Variants in WAPL observed in about 807,000 individuals in gnomAD.
The protein encoded by WAPL is WAPL cohesin release factor, also known as wings apart-like protein homolog.
A neutral mutation model predicts 121.0 loss-of-function variants in WAPL; 5 were observed. That is an observed-to-expected ratio of 0.04 (90% CI 0.02 to 0.09). WAPL has a LOEUF of 0.09. Ranked by LOEUF, WAPL falls within the 10% of genes least tolerant of loss-of-function variation. The pLI is 1.00. For synonymous variants in WAPL, 480 were observed against 481.5 expected (o/e 1.00, Z 0.04); for missense variants, 999 against 1,410.8 (o/e 0.71, Z 4.68).
chr10:86,510,805 G>T (rs868171633), intron 2 of WAPL, among the ~76,000 whole-genome samples: 22 of 151,740 alleles, frequency 1.4e-4, no homozygotes, highest in Non-Finnish European at 3.1e-4. Context: ...AACTTTATTC[G>T]GTAAGTATTA....
intron 4 of WAPL, among the ~76,000 whole-genome samples, chr10:86,489,777 C>T (rs1377229470): frequency 1.3e-5 from 2 of 151,660 alleles, no homozygotes; most frequent in African/African-American, 4.9e-5. Flanking sequence ...ACCTCTTTAC[C>T]ACCTGGAAAT....
At chr10:86,459,144 C>T (rs901140507) in intron 11 of WAPL, 79 bp from the exon 12 acceptor site, 13 of 1,130,000 alleles carry the variant, frequency 1.2e-5, no homozygotes, top group South Asian at 7.5e-5. Flanking sequence ...CTGCCTGGTG[C>T]GTAAAAGATA....
chr10:86,453,943 A>G, intron 12 of WAPL, 112 bp from the exon 13 acceptor site: 2 of 996,570 alleles, frequency 2.0e-6, no homozygotes, highest in Non-Finnish European at 2.7e-6. Context: ...TTATTTTGGA[A>G]AAATCTGATA....
chr10:86,456,079 ACTCAATGATCAGC>A (rs1009080122), intron 12 of WAPL, among the ~76,000 whole-genome samples: 15 of 152,220 alleles, frequency 9.9e-5, no homozygotes, highest in African/African-American at 3.6e-4. Flanking sequence ...TCTGATGGAC[ACTCAATGATCAGC>A]CTCATAATCT....
intron 4 of WAPL, among the ~76,000 whole-genome samples, chr10:86,479,098 C>CA (rs1286869113): frequency 2.0e-5 from 3 of 149,150 alleles, no homozygotes; most frequent in East Asian, 3.9e-4. Context: ...CACTCCATCT[C>CA]AAAAAAACAA....
At chr10:86,477,566 G>C (rs571041450) in intron 4 of WAPL, among the ~76,000 whole-genome samples, 1 of 152,236 alleles carries the variant, frequency 6.6e-6, no homozygotes, top group African/African-American at 2.4e-5. Context: ...ATTTTGGTAG[G>C]CCGAGACAGG....
chr10:86,502,219 T>TA (rs1842259825), intron 2 of WAPL, among the ~76,000 whole-genome samples: 1 of 152,172 alleles, frequency 6.6e-6, no homozygotes, highest in Admixed American at 6.5e-5. Flanking sequence ...AATAAAGAAT[T>TA]AAATTACCAT....
chr10:86,464,138 T>C (rs11592600), intron 9 of WAPL, among the ~76,000 whole-genome samples: 17,805 of 152,188 alleles, frequency 0.12, 1,222 homozygotes, highest in Middle Eastern at 0.17. Context: ...AACAAAAACG[T>C]GTAAAGGATA....
At position 86,516,808 on chromosome 10, in the gene WAPL, G is replaced by A. The variant is rs117751259; in HGVS notation, c.499+763C>T. 8.4e-3 allele frequency among the ~76,000 whole-genome samples: 1,274 copies of A among 151,984 alleles called. 11 individuals are homozygous for A. The highest frequency in any genetic ancestry group is 0.013 in the Non-Finnish European group (904 of 67,972). Reference sequence around the variant, plus strand: ...TGGTTTAAAATCTATCAACACAGCCGGGCACGGTGGCTCATGCCTGTAATC... The same window carrying A: ...TGGTTTAAAATCTATCAACACAGCCAGGCACGGTGGCTCATGCCTGTAATC... On this transcript the variant is annotated intron_variant, in intron 2 of 18. Transcript: ENST00000298767.
At chr10:86,490,676 T>C (rs1842027296) in intron 4 of WAPL, among the ~76,000 whole-genome samples, 1 of 152,202 alleles carries the variant, frequency 6.6e-6, no homozygotes, top group African/African-American at 2.4e-5. Flanking sequence ...GAAATTAAAA[T>C]TCACTCATAT....
In WAPL at chr10:86,467,498, G is replaced by A; in HGVS notation, c.2151C>T (p.Ser717=). ...TATACATGAGGGCAGCTGTACAGAGGGACAGATTCTTCAACAGGCCAAAAA... is the reference window on the plus strand; with the variant it reads ...TATACATGAGGGCAGCTGTACAGAGAGACAGATTCTTCAACAGGCCAAAAA... ...LDDSQHHQNL[S]LCTAALMYIL... The change falls in exon 9 of 19, where the codon TCC becomes TCT. Residue 717 remains serine (S), a synonymous_variant. Transcript: ENST00000298767. 1.2e-6 allele frequency: 2 copies of A among 1,603,526 alleles called. No individual in the cohort carries two copies. The highest frequency in any genetic ancestry group is 2.3e-5 in the South Asian group (2 of 87,730).
chr10:86,499,734 AGACTGACTGTCCTGG>A lies in WAPL; in HGVS notation c.1494_1508del (p.Gln499_Ser503del). The A allele has an allele frequency of 6.3e-7, 1 of 1,583,148 alleles. No homozygotes were observed. Among genetic ancestry groups the A allele is most frequent in the Non-Finnish European group, 8.5e-7 (1 of 1,170,126 alleles). On this transcript the variant is annotated inframe_deletion, in exon 3 of 19. Coordinates refer to ENST00000298767, the MANE Select transcript of WAPL (RefSeq NM_015045.5). ...AATTCTTACCTGCATTGTTAGTACC[AGACTGACTGTCCTGG>A]GAATTATCATTGCTTTCTGGGGGAG...
intron 2 of WAPL, among the ~76,000 whole-genome samples, chr10:86,507,116 C>A (rs1434855001): frequency 6.6e-6 from 1 of 151,028 alleles, no homozygotes; most frequent in Non-Finnish European, 1.5e-5. Context: ...ACCTGTAATC[C>A]CAGCACTTTG....
intron 1 of WAPL, among the ~76,000 whole-genome samples, 198 bp from the exon 2 acceptor site, chr10:86,518,289 C>A (rs1418219290): frequency 6.6e-6 from 1 of 152,118 alleles, no homozygotes; most frequent in African/African-American, 2.4e-5. Context: ...AATTTTCCTC[C>A]ACAATGAGTA....
Position 86,461,247 on chromosome 10 carries a change from G to A in WAPL, c.2411C>T (p.Ser804Phe). 6.2e-7 allele frequency: 1 copy of A among 1,613,676 alleles called. No homozygotes were observed. Among genetic ancestry groups the A allele is most frequent in the Non-Finnish European group, 8.5e-7 (1 of 1,179,870 alleles). Residue 804 changes from serine to phenylalanine, a missense_variant, in exon 10 of 19, where the codon TCT becomes TTT. Physicochemically the swap from Ser to Phe is radical, Grantham distance 155. Coordinates refer to ENST00000298767, the MANE Select transcript of WAPL (RefSeq NM_015045.5). ...LAMETLLSLT[S>F]KRAGDWFKEE... ...TTTAAACCAGTCTCCTGCTCGTTTA[G>A]AAGTAAGGGATAATAATGTCTCCAT...
intron 2 of WAPL, among the ~76,000 whole-genome samples, chr10:86,503,105 C>A (rs2132223442): frequency 6.6e-6 from 1 of 152,224 alleles, no homozygotes; most frequent in South Asian, 2.1e-4. Context: ...TTGCAGTGAG[C>A]CAAGATCATG....
Position 86,483,170 on chromosome 10 carries a change from T to C in WAPL, c.1645-9197A>G, listed in dbSNP as rs537096670. ...GTGCGGTGGCTCACGCCTGTAATCCTAGCATTTTGGGAGGCCGAGGTGGGT... is the reference window on the plus strand; with the variant it reads ...GTGCGGTGGCTCACGCCTGTAATCCCAGCATTTTGGGAGGCCGAGGTGGGT... On this transcript the variant is annotated intron_variant, in intron 4 of 18. Transcript: ENST00000298767. Among the ~76,000 whole-genome samples, 133 of 152,194 alleles carry C rather than the reference T, an allele frequency of 8.7e-4. 1 individual carries two copies. Among genetic ancestry groups the C allele is most frequent in the African/African-American group, 3.1e-3 (127 of 41,542 alleles).
chr10:86,460,678 G>T (rs1841247349), intron 10 of WAPL, among the ~76,000 whole-genome samples, 182 bp from the exon 11 acceptor site: 1 of 151,164 alleles, frequency 6.6e-6, no homozygotes, highest in South Asian at 2.1e-4. Flanking sequence ...TAATTATTTT[G>T]TTTCCATAAT....
Position 86,491,300 on chromosome 10 carries a change from T to C in WAPL, c.1644+5901A>G, listed in dbSNP as rs148261403. Reference sequence around the variant, plus strand: ...GACCACAGGCGCCCGCCACCACACATGGCTAATTTTTTGTGTTTTTAGTAG... The same window carrying C: ...GACCACAGGCGCCCGCCACCACACACGGCTAATTTTTTGTGTTTTTAGTAG... On this transcript the variant is annotated intron_variant, in intron 4 of 18. Transcript: ENST00000298767. Among the ~76,000 whole-genome samples the C allele has an allele frequency of 5.4e-3, 813 of 151,208 alleles. 7 individuals carry two copies. Among genetic ancestry groups the C allele is most frequent in the African/African-American group, 0.019 (776 of 41,290 alleles).
Sources: allele counts gnomAD v4.1 joint callset (sites outside exome capture counted in the v4.1 genomes callset), GRCh38; gene constraint gnomAD v4.1.1; transcripts MANE v1.5; gene names NCBI Gene and HGNC (gene_info 2026-07-23, HGNC 2026-07-21).